MGMT: variants seen among roughly 807,000 people sequenced by gnomAD.
The protein encoded by MGMT is O-6-methylguanine-DNA methyltransferase, also known as methylated-DNA--protein-cysteine methyltransferase.
A neutral mutation model predicts 15.9 loss-of-function variants in MGMT; 14 were observed. That is an observed-to-expected ratio of 0.88 (90% confidence interval 0.58 to 1.37). MGMT has a LOEUF of 1.37. Among genes scored for constraint, MGMT ranks in the 40% most tolerant of loss-of-function variants. The pLI, the probability that MGMT is intolerant of heterozygous loss-of-function variation, is 0.00. For missense variants in MGMT, 282 were observed against 268.1 expected (o/e 1.05, Z -0.36); for synonymous variants, 130 against 118.2 (o/e 1.10, Z -0.65).
At chr10:129,578,941 A>G (rs867636395) in intron 2 of MGMT, among the ~76,000 whole-genome samples, 2 of 144,194 alleles carry the variant, frequency 1.4e-5, no homozygotes, top group Middle Eastern at 3.5e-3. Flanking sequence ...TTAAAGTGCC[A>G]TGGACATCAG....
intron 1 of MGMT, among the ~76,000 whole-genome samples, chr10:129,516,770 G>A (rs1266420771): frequency 6.6e-6 from 1 of 152,122 alleles, no homozygotes; most frequent in Non-Finnish European, 1.5e-5. Flanking sequence ...GAGATGGAAG[G>A]AGCGGTATTC....
At chr10:129,506,281 C>A (rs1176248927) in intron 1 of MGMT, among the ~76,000 whole-genome samples, 1 of 152,098 alleles carries the variant, frequency 6.6e-6, no homozygotes. Flanking sequence ...TTGTTTAAAG[C>A]CCAGCTTGTC....
At chr10:129,665,162 C>T (rs1390224605) in intron 2 of MGMT, among the ~76,000 whole-genome samples, 4 of 147,060 alleles carry the variant, frequency 2.7e-5, no homozygotes, top group Middle Eastern at 3.5e-3. Context: ...CTCCATCACT[C>T]TCTCTCTCTT....
At chr10:129,649,628 GAGAA>G (rs1323531452) in intron 2 of MGMT, among the ~76,000 whole-genome samples, 4 of 152,200 alleles carry the variant, frequency 2.6e-5, no homozygotes, top group East Asian at 1.9e-4. Context: ...GGTTGAGAGA[GAGAA>G]AGAGAGATTA....
intron 2 of MGMT, chr10:129,700,361 G>C (rs1369770843): frequency 6.6e-6 from 1 of 152,012 alleles, no homozygotes; most frequent in African/African-American, 2.4e-5. Context: ...CATGCGCTTT[G>C]TCAAACGTAC....
At chr10:129,625,519 C>A (rs567672148) in intron 2 of MGMT, among the ~76,000 whole-genome samples, 39 of 152,254 alleles carry the variant, frequency 2.6e-4, no homozygotes, top group Non-Finnish European at 1.0e-4. Flanking sequence ...ATGTATATTT[C>A]CAGTGGGGTT....
intron 2 of MGMT, among the ~76,000 whole-genome samples, chr10:129,685,611 A>G (rs1252383509): frequency 6.6e-6 from 1 of 152,262 alleles, no homozygotes; most frequent in Non-Finnish European, 1.5e-5. Flanking sequence ...GATACATAAC[A>G]GGAACTCGTT....
At chr10:129,576,950 A>G (rs1490063603) in intron 2 of MGMT, among the ~76,000 whole-genome samples, 3 of 152,220 alleles carry the variant, frequency 2.0e-5, no homozygotes, top group Non-Finnish European at 4.4e-5. Context: ...TTCAAAGAGA[A>G]TAAAATACCT....
At position 129,585,372 on chromosome 10, in the gene MGMT, A is replaced by G. The variant is rs141067214; in HGVS notation, c.125+48995A>G. ...TAAATGACATACAGAGTATACATAC[A>G]GTAGTTCCCCCTTAGTCATGGGGAA... On this transcript the variant is annotated intron_variant, in intron 2 of 4. Transcript: ENST00000651593. Among the ~76,000 whole-genome samples the G allele has an allele frequency of 5.3e-5, 8 of 152,330 alleles. 1 individual carries two copies. The East Asian group carries it at 1.5e-3, about 29-fold the overall frequency.
intron 1 of MGMT, 26 bp downstream of exon 1, chr10:129,467,322 CG>C (rs1845179738): frequency 9.1e-6 from 14 of 1,531,044 alleles, no homozygotes; most frequent in Non-Finnish European, 1.2e-5. Context: ...GCCTCGCTCC[CG>C]GAAGAGTGCG....
intron 2 of MGMT, among the ~76,000 whole-genome samples, chr10:129,686,525 C>G (rs1454105839): frequency 6.6e-6 from 1 of 152,008 alleles, no homozygotes; most frequent in Non-Finnish European, 1.5e-5. Flanking sequence ...CAGGCGCCCA[C>G]CACCACATCC....
chr10:129,606,430 C>T (rs937123834), intron 2 of MGMT, among the ~76,000 whole-genome samples: 5 of 152,284 alleles, frequency 3.3e-5, no homozygotes, highest in Admixed American at 6.5e-5. Context: ...CTTTTCCTGC[C>T]GTATTAGGGA....
intron 1 of MGMT, among the ~76,000 whole-genome samples, chr10:129,512,368 G>A (rs936113278): frequency 4.6e-5 from 7 of 152,006 alleles, no homozygotes; most frequent in Admixed American, 3.9e-4. Flanking sequence ...TCTGTTACAC[G>A]TTAATTTAAA....
At chr10:129,484,407 T>C (rs1317637619) in intron 1 of MGMT, among the ~76,000 whole-genome samples, 1 of 152,240 alleles carries the variant, frequency 6.6e-6, no homozygotes, top group Non-Finnish European at 1.5e-5. Flanking sequence ...TCCTATCGAT[T>C]GTATTTTTTA....
chr10:129,584,063 C>T (rs541745169), intron 2 of MGMT, among the ~76,000 whole-genome samples: 7 of 152,192 alleles, frequency 4.6e-5, no homozygotes, highest in South Asian at 2.1e-4. Flanking sequence ...GCCACAGGAG[C>T]GAGGTGGCAA....
In MGMT at chr10:129,770,916, G is replaced by T. The variant is rs765889103; in HGVS notation, c.*3919G>T. ...TTTGGCTTCCCTCAGACCTCAGACCGTGTGGGTTTTTTTTTCTTTCTTTCT... is the reference window on the plus strand; with the variant it reads ...TTTGGCTTCCCTCAGACCTCAGACCTTGTGGGTTTTTTTTTCTTTCTTTCT... On this transcript the variant is annotated 3_prime_UTR_variant, in exon 5 of 5. Coordinates refer to ENST00000651593, the MANE Select transcript of MGMT (RefSeq NM_002412.5). 2.7e-5 allele frequency among the ~76,000 whole-genome samples: 4 copies of T among 150,694 alleles called. No homozygotes were observed. The highest frequency in any genetic ancestry group is 2.9e-5 in the Non-Finnish European group (2 of 67,994).
intron 2 of MGMT, among the ~76,000 whole-genome samples, chr10:129,579,244 G>A (rs1188386672): frequency 1.3e-5 from 2 of 152,214 alleles, no homozygotes; most frequent in African/African-American, 4.8e-5. Context: ...TACACGGAGT[G>A]CTGTATTAAA....
At chr10:129,730,280 G>T (rs1017585822) in intron 3 of MGMT, among the ~76,000 whole-genome samples, 16 of 152,178 alleles carry the variant, frequency 1.1e-4, no homozygotes, top group South Asian at 6.2e-4. Context: ...AATGGAAGAC[G>T]TGAACTGATG....
chr10:129,715,113 T>A (rs777432337), intron 3 of MGMT, among the ~76,000 whole-genome samples: 1 of 152,206 alleles, frequency 6.6e-6, no homozygotes, highest in Non-Finnish European at 1.5e-5. Context: ...CAAACCTTGG[T>A]GGACATAACG....
Sources: allele counts gnomAD v4.1 joint callset (sites outside exome capture counted in the v4.1 genomes callset), GRCh38; gene constraint gnomAD v4.1.1; transcripts MANE v1.5; gene names NCBI Gene and HGNC (gene_info 2026-07-23, HGNC 2026-07-21).